The following PALM2AKAP2 variants were observed in gnomAD, a reference collection of about 807,000 sequenced individuals.
PALM2AKAP2 encodes PALM2 and AKAP2 fusion, also known as PALM2-AKAP2 fusion protein.
In PALM2AKAP2, 37 loss-of-function variants were observed where a neutral mutation model predicts 71.5. That is an observed-to-expected ratio of 0.52 (90% CI 0.40 to 0.68). The LOEUF (loss-of-function observed/expected upper bound fraction) is 0.68. Ranked by LOEUF, PALM2AKAP2 falls within the 30% of genes least tolerant of loss-of-function variation. The probability of loss-of-function intolerance (pLI) is 0.00; values close to 1 mark genes in which losing one functional copy is unlikely to be tolerated. For missense variants in PALM2AKAP2, 1,224 were observed against 1,191.8 expected, an observed-to-expected ratio of 1.03 and a Z score of -0.40; for synonymous variants, 468 against 478.8, an observed-to-expected ratio of 0.98 and a Z score of 0.29.
intron 1 of PALM2AKAP2, among the ~76,000 whole-genome samples, chr9:109,707,477 A>G (rs1469500005): frequency 6.6e-6 from 1 of 152,274 alleles, no homozygotes; most frequent in African/African-American, 2.4e-5. Flanking sequence ...GTGAGCAGTG[A>G]CAACAGCCAA....
intron 1 of PALM2AKAP2, among the ~76,000 whole-genome samples, chr9:109,660,190 G>A (rs949760908): frequency 1.3e-5 from 2 of 152,076 alleles, no homozygotes; most frequent in Admixed American, 6.6e-5. Flanking sequence ...CCCTAGCAAA[G>A]TATCTTTTTT....
chr9:109,772,403 T>G (rs1829282653), intron 1 of PALM2AKAP2, among the ~76,000 whole-genome samples: 1 of 152,192 alleles, frequency 6.6e-6, no homozygotes, highest in Admixed American at 6.5e-5. Flanking sequence ...AATTTAGCTC[T>G]GAATGAATGC....
At chr9:109,650,654 G>T (rs572246882) in intron 1 of PALM2AKAP2, among the ~76,000 whole-genome samples, 56 of 152,236 alleles carry the variant, frequency 3.7e-4, no homozygotes, top group African/African-American at 1.2e-3. Context: ...TCAAATTCCT[G>T]GCCTTAAGCA....
chr9:109,669,305 A>G (rs139361733), intron 1 of PALM2AKAP2, among the ~76,000 whole-genome samples: 1 of 151,150 alleles, frequency 6.6e-6, no homozygotes, highest in Non-Finnish European at 1.5e-5. Context: ...TTTGTCATAT[A>G]CTTTTTTCTA....
intron 1 of PALM2AKAP2, chr9:109,862,890 G>T: frequency 1.9e-6 from 1 of 513,830 alleles, no homozygotes; most frequent in African/African-American, 1.9e-5. Context: ...ACATGAACCA[G>T]CCGGGAAGAT....
intron 6 of PALM2AKAP2, among the ~76,000 whole-genome samples, chr9:109,950,744 A>G (rs1459143989): frequency 6.6e-6 from 1 of 152,192 alleles, no homozygotes; most frequent in African/African-American, 2.4e-5. Flanking sequence ...AATCTCTCCA[A>G]CAGGCCCAAC....
chr9:109,759,544 C>G (rs1274475181), intron 1 of PALM2AKAP2, among the ~76,000 whole-genome samples: 1 of 152,074 alleles, frequency 6.6e-6, no homozygotes, highest in Non-Finnish European at 1.5e-5. Context: ...TAAACAGGTG[C>G]TAGAATCTAA....
chr9:110,098,012 C>A (rs1210385427), intron 1 of PALM2AKAP2, among the ~76,000 whole-genome samples: 1 of 144,740 alleles, frequency 6.9e-6, no homozygotes, highest in Non-Finnish European at 1.5e-5. Flanking sequence ...AATACGAAAA[C>A]CAGTCAGGCG....
At chr9:109,672,493 A>G (rs773206543) in intron 1 of PALM2AKAP2, among the ~76,000 whole-genome samples, 1 of 152,112 alleles carries the variant, frequency 6.6e-6, no homozygotes, top group Non-Finnish European at 1.5e-5. Context: ...GTGCTGCTGG[A>G]TTTGGATTGC....
chr9:110,035,820 T>C (rs414361), intron 7 of PALM2AKAP2, among the ~76,000 whole-genome samples: 2 of 139,752 alleles, frequency 1.4e-5, no homozygotes, highest in Non-Finnish European at 3.1e-5. Context: ...AACATATATA[T>C]GATATGTTGT....
intron 6 of PALM2AKAP2, among the ~76,000 whole-genome samples, chr9:109,954,866 G>T (rs927203712): frequency 1.3e-5 from 2 of 152,030 alleles, no homozygotes; most frequent in Middle Eastern, 3.4e-3. Context: ...GTATATTTCC[G>T]ACTTCTCTTG....
In PALM2AKAP2 at chr9:109,953,861, G is replaced by T. The variant is rs1299758135; in HGVS notation, c.496+21833G>T. Among the ~76,000 whole-genome samples, 4 of 140,816 alleles carry T rather than the reference G, an allele frequency of 2.8e-5. No homozygotes were observed. The South Asian group carries it at 9.1e-4, about 32-fold the overall frequency. 92.4% of individuals were successfully genotyped at this position (140,816 alleles called of 152,430 possible). ...AAAAAAAAAAAAAAAAAAAAGAAAAGAAAGTAGTGTGGAGATGCCCCTGAG... is the reference window on the plus strand; with the variant it reads ...AAAAAAAAAAAAAAAAAAAAGAAAATAAAGTAGTGTGGAGATGCCCCTGAG... On this transcript the variant is annotated intron_variant, in intron 6 of 9. Coordinates refer to the PALM2AKAP2 transcript ENST00000302798.
intron 1 of PALM2AKAP2, among the ~76,000 whole-genome samples, chr9:110,069,492 T>TG (rs1834159101): frequency 6.6e-6 from 1 of 152,208 alleles, no homozygotes; most frequent in African/African-American, 2.4e-5. Flanking sequence ...TCTTGTGGCT[T>TG]GTTAATGTGG....
At chr9:109,782,799 C>G (rs78908696) in intron 1 of PALM2AKAP2, among the ~76,000 whole-genome samples, 4,563 of 149,136 alleles carry the variant, frequency 0.031, 83 homozygotes, top group Non-Finnish European at 0.035. Flanking sequence ...AGAGAGAGAG[C>G]CAATTAAGAG....
At chr9:109,923,334 T>C (rs1830880836) in intron 3 of PALM2AKAP2, among the ~76,000 whole-genome samples, 1 of 152,236 alleles carries the variant, frequency 6.6e-6, no homozygotes, top group African/African-American at 2.4e-5. Flanking sequence ...CCTTTACTTT[T>C]TGACCAACCT....
intron 3 of PALM2AKAP2, 119 bp from the exon 11 acceptor site, chr9:110,168,280 C>T: frequency 7.9e-7 from 1 of 1,272,588 alleles, no homozygotes; most frequent in Non-Finnish European, 1.1e-6. Flanking sequence ...CCCAGCAGTG[C>T]TTTATCACTT....
At chr9:109,968,261 A>G (rs1333937414) in intron 6 of PALM2AKAP2, among the ~76,000 whole-genome samples, 1 of 152,176 alleles carries the variant, frequency 6.6e-6, no homozygotes, top group Non-Finnish European at 1.5e-5. Context: ...TTGCAACTTG[A>G]GGCCCTCGCG....
At position 110,168,350 on chromosome 9, in the gene PALM2AKAP2, A is replaced by G. The variant is rs779062379; in HGVS notation, c.2749-49A>G. 9.4e-6 allele frequency: 15 copies of G among 1,590,026 alleles called. No individual in the cohort carries two copies. In the Admixed American group the frequency reaches 1.3e-4, roughly 14 times the overall value. On this transcript the variant is annotated intron_variant, in intron 3 of 3. Transcript: ENST00000374525. ...GAAACAGAGAAGTCGGTTTATGTTC[A>G]TAATTAACATCCATGAACTCTGCAT...
chr9:109,963,951 G>A (rs1831896913), intron 6 of PALM2AKAP2, among the ~76,000 whole-genome samples: 1 of 152,212 alleles, frequency 6.6e-6, no homozygotes, highest in African/African-American at 2.4e-5. Flanking sequence ...GGTACAAAGA[G>A]TAGGGAAGAA....
Sources: gnomAD v4.1 joint callset for allele counts (sites outside exome capture counted in the v4.1 genomes callset) on GRCh38, gnomAD v4.1.1 for gene constraint, MANE v1.5 for transcripts, NCBI Gene and HGNC (gene_info 2026-07-23, HGNC 2026-07-21) for gene names.